The following BABAM2 variants were observed in gnomAD, a reference collection of about 807,000 sequenced individuals.
BABAM2 encodes BRISC and BRCA1-A complex member 2.
BABAM2 carries 31 observed loss-of-function variants against 54.7 expected under a neutral mutation model. That is an observed-to-expected ratio of 0.57 (90% CI 0.43 to 0.77). The LOEUF is 0.77. Among genes scored for constraint, BABAM2 ranks in the 30% least tolerant of loss-of-function variants. The pLI is 0.00. For synonymous variants in BABAM2, 167 were observed against 162.9 expected, an observed-to-expected ratio of 1.03 and a Z score of -0.19; for missense variants, 364 against 455.8, an observed-to-expected ratio of 0.80 and a Z score of 1.83.
Position 28,114,013 on chromosome 2 carries a change from A to C in BABAM2, c.571-15258A>C, listed in dbSNP as rs1052146300. 7.9e-5 allele frequency among the ~76,000 whole-genome samples: 12 copies of C among 152,106 alleles called. No homozygotes were observed. In the East Asian group the frequency reaches 1.9e-3, roughly 24 times the overall value. On this transcript the variant is annotated intron_variant, in intron 6 of 11. Transcript: ENST00000379624. The stretch of plus-strand genomic sequence containing the variant: ...CATGCAATAAACTGGATATTGATGG[A>C]ATGTATCTCAAAATAATAAGAGCTA...
At chr2:28,096,849 T>C (rs1666674905) in intron 6 of BABAM2, among the ~76,000 whole-genome samples, 1 of 152,108 alleles carries the variant, frequency 6.6e-6, no homozygotes, top group Non-Finnish European at 1.5e-5. Context: ...TTTGAACTAA[T>C]TCCCCAGAGT....
intron 4 of BABAM2, among the ~76,000 whole-genome samples, chr2:28,006,638 G>C (rs911845206): frequency 1.3e-5 from 2 of 151,976 alleles, no homozygotes; most frequent in African/African-American, 4.8e-5. Context: ...GTGGCTATCT[G>C]TTCTTATAAG....
chr2:28,038,281 G>A (rs1423410330), intron 5 of BABAM2, among the ~76,000 whole-genome samples: 1 of 152,084 alleles, frequency 6.6e-6, no homozygotes, highest in East Asian at 1.9e-4. Context: ...TTCCCTCCAA[G>A]TAATGAGCCC....
intron 3 of BABAM2, among the ~76,000 whole-genome samples, chr2:27,954,405 G>C (rs1669944824): frequency 1.3e-5 from 2 of 152,196 alleles, no homozygotes; most frequent in South Asian, 4.1e-4. Flanking sequence ...CCGGCCCTTG[G>C]AGGCCTCAGC....
intron 7 of BABAM2, among the ~76,000 whole-genome samples, chr2:28,193,663 T>C (rs1677189204): frequency 6.6e-6 from 1 of 152,194 alleles, no homozygotes; most frequent in African/African-American, 2.4e-5. Context: ...ATCTTTTCAA[T>C]TTATAAGAAG....
At chr2:27,891,281 G>A (rs527707392) in intron 1 of BABAM2, among the ~76,000 whole-genome samples, 140 of 152,266 alleles carry the variant, frequency 9.2e-4, no homozygotes, top group African/African-American at 3.3e-3. Flanking sequence ...TGACGCAGCA[G>A]GATGCCACCC....
intron 7 of BABAM2, among the ~76,000 whole-genome samples, chr2:28,187,662 A>ATTTTTTTTT (rs35839748): frequency 6.1e-5 from 6 of 99,124 alleles, no homozygotes; most frequent in Non-Finnish European, 1.2e-4. Context: ...GAACTTTGGA[A>ATTTTTTTTT]TTTTTTTTTT....
chr2:28,101,855 T>TA (rs1667110540), intron 6 of BABAM2, among the ~76,000 whole-genome samples: 1 of 152,168 alleles, frequency 6.6e-6, no homozygotes, highest in African/African-American at 2.4e-5. Context: ...CCTTGTAAGT[T>TA]AAAAAATCAT....
intron 10 of BABAM2, among the ~76,000 whole-genome samples, chr2:28,269,071 A>G (rs1685211970): frequency 1.3e-5 from 2 of 152,248 alleles, no homozygotes; most frequent in African/African-American, 4.8e-5. Context: ...ATTGCTATAC[A>G]GTTATCACGA....
At chr2:28,080,562 T>A (rs941608127) in intron 6 of BABAM2, among the ~76,000 whole-genome samples, 5 of 152,140 alleles carry the variant, frequency 3.3e-5, no homozygotes, top group African/African-American at 1.2e-4. Context: ...TGATGGCTTT[T>A]TTTGGTGATG....
chr2:28,075,493 A>T (rs1306240851), intron 6 of BABAM2, among the ~76,000 whole-genome samples: 1 of 152,066 alleles, frequency 6.6e-6, no homozygotes, highest in Non-Finnish European at 1.5e-5. Flanking sequence ...TAAATTTCAA[A>T]GTATGGCCTC....
chr2:28,242,297 A>C (rs943678022), intron 9 of BABAM2, among the ~76,000 whole-genome samples: 1 of 152,206 alleles, frequency 6.6e-6, no homozygotes, highest in African/African-American at 2.4e-5. Context: ...AAGCACCGAT[A>C]GGGGAGAGGG....
intron 10 of BABAM2, among the ~76,000 whole-genome samples, chr2:28,274,209 C>T (rs1449683219): frequency 6.6e-6 from 1 of 152,196 alleles, no homozygotes; most frequent in East Asian, 1.9e-4. Context: ...GTTGACCCTT[C>T]TTGCTTTTTC....
chr2:27,913,461 G>A (rs1666748855), intron 2 of BABAM2, among the ~76,000 whole-genome samples: 1 of 152,244 alleles, frequency 6.6e-6, no homozygotes, highest in South Asian at 2.1e-4. Flanking sequence ...TTAGATAATT[G>A]GAGATACTGT....
chr2:28,025,425 G>A lies in BABAM2; in HGVS notation c.495+5G>A. On this transcript the variant is annotated splice_donor_5th_base_variant and intron_variant, in intron 5 of 11. Transcript: ENST00000379624. Reference sequence around the variant, plus strand: ...GCTGGGAAAAAAAACAACTGGGTAAGGATTTTTGAGAATGGAAAAAAAGAT... The same window carrying A: ...GCTGGGAAAAAAAACAACTGGGTAAAGATTTTTGAGAATGGAAAAAAAGAT... The A allele has an allele frequency of 3.2e-6, 5 of 1,552,984 alleles. No homozygotes were observed. Among genetic ancestry groups the A allele is most frequent in the Non-Finnish European group, 3.5e-6 (4 of 1,156,820 alleles).
At chr2:28,263,185 GATTATT>G (rs200937399) in intron 10 of BABAM2, among the ~76,000 whole-genome samples, 4 of 150,220 alleles carry the variant, frequency 2.7e-5, no homozygotes, top group African/African-American at 9.8e-5. Context: ...GAGGGGAGGG[GATTATT>G]ATTATTAATA....
At chr2:28,163,229 T>G (rs1432160795) in intron 7 of BABAM2, among the ~76,000 whole-genome samples, 2 of 152,090 alleles carry the variant, frequency 1.3e-5, no homozygotes, top group Non-Finnish European at 2.9e-5. Flanking sequence ...TTCTTCTGAG[T>G]GTGAAGCTCT....
At chr2:28,125,727 C>CAA (rs1358338333) in intron 6 of BABAM2, among the ~76,000 whole-genome samples, 1 of 152,192 alleles carries the variant, frequency 6.6e-6, no homozygotes, top group Non-Finnish European at 1.5e-5. Context: ...TGCACACACA[C>CAA]AAATGTACAT....
At chr2:28,093,027 C>T (rs140813401) in intron 6 of BABAM2, among the ~76,000 whole-genome samples, 13 of 152,110 alleles carry the variant, frequency 8.5e-5, no homozygotes. Flanking sequence ...TAGGAACTTA[C>T]ATTTTAGGTA....
Sources: gnomAD v4.1 joint callset for allele counts (sites outside exome capture counted in the v4.1 genomes callset) on GRCh38, gnomAD v4.1.1 for gene constraint, MANE v1.5 for transcripts, NCBI Gene and HGNC (gene_info 2026-07-23, HGNC 2026-07-21) for gene names.